The following PARG variants were observed in gnomAD, a reference collection of about 807,000 sequenced individuals.
PARG encodes the protein poly(ADP-ribose) glycohydrolase.
PARG carries 35 observed loss-of-function variants against 113.0 expected under a neutral mutation model. That is an observed-to-expected ratio of 0.31 (90% CI 0.24 to 0.41). The LOEUF is 0.41. Ranked by LOEUF, PARG falls within the 10% of genes least tolerant of loss-of-function variation. PARG has a pLI of 1.00. For synonymous variants in PARG, 330 were observed against 409.9 expected, an observed-to-expected ratio of 0.81 and a Z score of 2.36; for missense variants, 797 against 1,169.4, an observed-to-expected ratio of 0.68 and a Z score of 4.64.
At chr10:49,933,086 G>C in intron 3 of PARG, 91 bp downstream of exon 3, 1 of 949,026 alleles carries the variant, frequency 1.1e-6, no homozygotes, top group Non-Finnish European at 1.6e-6. Flanking sequence ...CCATTTCTTT[G>C]CTTTACTAGA....
intron 8 of PARG, among the ~76,000 whole-genome samples, chr10:49,883,150 C>T (rs1269669825): frequency 1.3e-5 from 2 of 152,214 alleles, no homozygotes; most frequent in Admixed American, 6.5e-5. Flanking sequence ...TTTCATGGGT[C>T]TCAACTGAAG....
chr10:49,890,718 C>T (rs1408035824), intron 7 of PARG, among the ~76,000 whole-genome samples: 1 of 152,140 alleles, frequency 6.6e-6, no homozygotes, highest in African/African-American at 2.4e-5. Flanking sequence ...AACATCAAAA[C>T]ATTATAAATA....
At chr10:49,912,786 T>G (rs1236386230) in intron 7 of PARG, among the ~76,000 whole-genome samples, 1 of 151,990 alleles carries the variant, frequency 6.6e-6, no homozygotes, top group African/African-American at 2.4e-5. Flanking sequence ...GTAACAATGG[T>G]GAAACCCTAT....
intron 6 of PARG, among the ~76,000 whole-genome samples, chr10:49,921,405 TAAAC>T (rs1479863639): frequency 1.3e-5 from 2 of 152,120 alleles, no homozygotes; most frequent in South Asian, 2.1e-4. Flanking sequence ...AAAAGAAAAA[TAAAC>T]AGTCTGCTTT....
rs138053183 is a variant in PARG at position 49,918,456 on chromosome 10, A to G, written c.1663-2465T>C. 9.8e-4 allele frequency among the ~76,000 whole-genome samples: 150 copies of G among 152,346 alleles called. No individual in the cohort carries two copies. In the South Asian group the frequency reaches 0.014, roughly 14 times the overall value. ...ACCATGAGATTGCTTGTCATTAGAA[A>G]AACTGGATACTACTCTGTACTCTTG... On this transcript the variant is annotated intron_variant, in intron 6 of 17. Transcript: ENST00000616448.
intron 1 of PARG, among the ~76,000 whole-genome samples, chr10:49,936,934 TA>T (rs1838774428): frequency 6.6e-6 from 1 of 152,220 alleles, no homozygotes; most frequent in Non-Finnish European, 1.5e-5. Context: ...AATCTTTGAT[TA>T]ATGTTTCAAA....
intron 8 of PARG, among the ~76,000 whole-genome samples, chr10:49,884,394 T>C (rs568670184): frequency 0.013 from 1,957 of 152,286 alleles, 38 homozygotes; most frequent in African/African-American, 0.043. Flanking sequence ...AGGTCAGGAG[T>C]TTGAGACGAG....
intron 15 of PARG, among the ~76,000 whole-genome samples, chr10:49,833,993 G>A (rs753471128): frequency 6.6e-6 from 1 of 152,084 alleles, no homozygotes; most frequent in Non-Finnish European, 1.5e-5. Context: ...AGACTGTCTC[G>A]ATGGATTAAC....
intron 9 of PARG, among the ~76,000 whole-genome samples, chr10:49,877,144 A>T (rs1846981521): frequency 6.6e-6 from 1 of 150,938 alleles, no homozygotes; most frequent in African/African-American, 2.4e-5. Context: ...AGAGCAGCTT[A>T]TATTCAAGTC....
rs371618121 is a variant in PARG, at chr10:49,842,055, G to A, written c.2436C>T (p.Asp812=). 1.5e-5 allele frequency: 23 copies of A among 1,546,098 alleles called. No homozygotes were observed. The highest frequency in any genetic ancestry group is 1.4e-4 in the South Asian group (12 of 83,966). ...SRSHEDGSER[D]DWQRRCTEIV... ...TCTCAGTGCAGCGCCGCTGCCAGTCGTCCCTGGGACAGGAAGGAAAGGGGA... is the reference window on the plus strand; with the variant it reads ...TCTCAGTGCAGCGCCGCTGCCAGTCATCCCTGGGACAGGAAGGAAAGGGGA... The change falls in exon 15 of 18, where the codon GAC becomes GAT. Residue 812 remains aspartate, a synonymous_variant. Coordinates refer to ENST00000616448, the MANE Select transcript of PARG (RefSeq NM_003631.5).
In PARG at chr10:49,843,594, T is replaced by C. The variant is rs781807321; in HGVS notation, c.2392A>G (p.Thr798Ala). The change falls in exon 14 of 18, where the codon ACA (threonine) becomes GCA (alanine). Residue 798 changes from threonine to alanine, a missense_variant. Physicochemically the swap from Thr to Ala is moderately conservative, Grantham distance 58. Transcript: ENST00000616448. ...TCGTGGCTCCGGGACCAACGATATG[T>C]CTCAGCATAGCCTGTGTATTCACTG... is the stretch of plus-strand genomic sequence containing the variant. Reference protein sequence around the residue: ...QYSEYTGYAETYRWSRSHEDG... With the variant: ...QYSEYTGYAEAYRWSRSHEDG... 6.3e-5 allele frequency: 98 copies of C among 1,551,022 alleles called. No homozygotes were observed. Among genetic ancestry groups the C allele is most frequent in the Non-Finnish European group, 7.8e-5 (89 of 1,146,500 alleles).
At chr10:49,904,048 G>A (rs1554844238) in intron 7 of PARG, among the ~76,000 whole-genome samples, 1 of 151,804 alleles carries the variant, frequency 6.6e-6, no homozygotes, top group African/African-American at 2.4e-5. Flanking sequence ...CAGAAATAGA[G>A]CCGAAACTCA....
rs1838618434 is a variant in PARG at position 49,933,946 on chromosome 10, A to C, written c.502T>G (p.Leu168Val). The change falls in exon 3 of 18, where the codon TTG becomes GTG. Residue 168 changes from leucine (L) to valine (V), a missense_variant. Physicochemically the swap from Leu to Val is conservative, Grantham distance 32. This residue lies in a region of PARG where 284 missense variants were observed against 306.1 expected (regional missense o/e 0.93). Coordinates refer to ENST00000616448, the MANE Select transcript of PARG (RefSeq NM_003631.5). Reference sequence around the variant, plus strand: ...GTTACTGTTTGAGGTTCACTTTCCAAAAGCTGCTCCGTGTGTTTCCCTTCA... The same window carrying C: ...GTTACTGTTTGAGGTTCACTTTCCACAAGCTGCTCCGTGTGTTTCCCTTCA... ...QNEGKHTEQL[L>V]ESEPQTVTLV... The C allele has an allele frequency of 6.2e-7, 1 of 1,604,008 alleles. No homozygotes were observed. The highest frequency in any genetic ancestry group is 8.5e-7 in the Non-Finnish European group (1 of 1,170,918).
intron 7 of PARG, among the ~76,000 whole-genome samples, chr10:49,910,807 T>G (rs1286898655): frequency 6.6e-6 from 1 of 152,196 alleles, no homozygotes; most frequent in African/African-American, 2.4e-5. Context: ...TATATATGTA[T>G]AGTCTAATGA....
chr10:49,893,242 T>C (rs1554841952), intron 7 of PARG, among the ~76,000 whole-genome samples: 1 of 152,170 alleles, frequency 6.6e-6, no homozygotes, highest in Non-Finnish European at 1.5e-5. Flanking sequence ...GCTACCTACA[T>C]TTGATCTTTT....
intron 9 of PARG, among the ~76,000 whole-genome samples, chr10:49,876,561 C>G (rs1326496779): frequency 6.6e-6 from 1 of 152,190 alleles, no homozygotes; most frequent in Non-Finnish European, 1.5e-5. Flanking sequence ...GAGGTACACA[C>G]AGGCTAGCAT....
chr10:49,870,696 G>C (rs1846751515), intron 9 of PARG, among the ~76,000 whole-genome samples: 1 of 150,210 alleles, frequency 6.7e-6, no homozygotes, highest in African/African-American at 2.5e-5. Flanking sequence ...CTTTCCAAAG[G>C]CATTTAAAAA....
chr10:49,853,628 C>A (rs1197380673), intron 13 of PARG, among the ~76,000 whole-genome samples: 1 of 151,770 alleles, frequency 6.6e-6, no homozygotes, highest in Non-Finnish European at 1.5e-5. Flanking sequence ...TTTATCTTTC[C>A]ATTTCAGTAT....
rs561994576 is a variant in PARG, at chr10:49,928,898, A to G, written c.1455+3202T>C. Among the ~76,000 whole-genome samples the G allele has an allele frequency of 1.1e-3, 174 of 152,386 alleles. 1 individual carries two copies. Among genetic ancestry groups the G allele is most frequent in the African/African-American group, 4.0e-3 (165 of 41,594 alleles). On this transcript the variant is annotated intron_variant, in intron 4 of 17. Transcript: ENST00000616448. ...TATTAAGTAACTGTTAATTACATTT[A>G]TATCTTATTATCATATTCAGGAATA...
Sources: allele counts gnomAD v4.1 joint callset (sites outside exome capture counted in the v4.1 genomes callset), GRCh38; gene constraint gnomAD v4.1.1; regional missense constraint gnomAD v4.1.1; transcripts MANE v1.5; gene names NCBI Gene and HGNC (gene_info 2026-07-23, HGNC 2026-07-21).